NLGN1: variants seen among roughly 807,000 people sequenced by gnomAD.
NLGN1 encodes neuroligin 1.
NLGN1 carries 12 observed loss-of-function variants against 65.5 expected under a neutral mutation model. The ratio of observed to expected loss-of-function variants is 0.18; its 90% confidence interval spans 0.12 to 0.30. NLGN1 has a LOEUF of 0.30. Ranked by LOEUF, NLGN1 falls within the 10% of genes least tolerant of loss-of-function variation. NLGN1 has a pLI of 1.00. For synonymous variants in NLGN1, 350 were observed against 359.5 expected, an observed-to-expected ratio of 0.97 and a Z score of 0.30; for missense variants, 750 against 1,007.1, an observed-to-expected ratio of 0.74 and a Z score of 3.46.
At chr3:174,172,110 T>C (rs1728655658) in intron 4 of NLGN1, among the ~76,000 whole-genome samples, 2 of 152,078 alleles carry the variant, frequency 1.3e-5, no homozygotes, top group South Asian at 4.1e-4. Flanking sequence ...TTGATGTTTT[T>C]AAATTTTTTT....
intron 2 of NLGN1, among the ~76,000 whole-genome samples, chr3:173,439,464 G>A (rs1309292810): frequency 1.3e-5 from 2 of 151,020 alleles, no homozygotes; most frequent in Non-Finnish European, 2.9e-5. Flanking sequence ...GGAAAAATGT[G>A]CTCATCTCAC....
chr3:174,136,015 A>G (rs1449449594), intron 4 of NLGN1, among the ~76,000 whole-genome samples: 1 of 152,146 alleles, frequency 6.6e-6, no homozygotes, highest in Non-Finnish European at 1.5e-5. Flanking sequence ...CTGCCTGAAC[A>G]TGGCTTAATT....
chr3:173,606,318 T>C (rs1009263179), intron 3 of NLGN1, among the ~76,000 whole-genome samples: 1 of 152,072 alleles, frequency 6.6e-6, no homozygotes, highest in African/African-American at 2.4e-5. Context: ...TGAGCAAATG[T>C]AGACACTGAC....
intron 3 of NLGN1, among the ~76,000 whole-genome samples, chr3:173,727,163 C>T (rs1771946655): frequency 6.6e-6 from 1 of 152,034 alleles, no homozygotes; most frequent in Non-Finnish European, 1.5e-5. Flanking sequence ...GAGGAAAAAG[C>T]AACAGTGAAA....
chr3:173,698,456 G>A (rs1416426378), intron 3 of NLGN1, among the ~76,000 whole-genome samples: 3 of 152,048 alleles, frequency 2.0e-5, no homozygotes, highest in South Asian at 2.1e-4. Flanking sequence ...GCATTTATGC[G>A]CCTTCTACTA....
intron 3 of NLGN1, among the ~76,000 whole-genome samples, chr3:173,649,091 T>C (rs939986604): frequency 1.3e-5 from 2 of 152,194 alleles, no homozygotes; most frequent in Non-Finnish European, 2.9e-5. Context: ...AATTAACTAT[T>C]GAATATTAAA....
rs73880550 is a variant in NLGN1 at position 173,709,410 on chromosome 3, G to A, written c.494-98270G>A. The stretch of plus-strand genomic sequence containing the variant: ...GACAAAAAACAGTCAAAACGATCCT[G>A]TGTTCTAGAGGGAGATAGAACCAGA... On this transcript the variant is annotated intron_variant, in intron 3 of 6. Transcript: ENST00000457714. Among the ~76,000 whole-genome samples, 521 of 152,298 alleles carry A rather than the reference G, an allele frequency of 3.4e-3. 5 individuals carry two copies. The highest frequency in any genetic ancestry group is 0.012 in the African/African-American group (494 of 41,572).
At position 173,806,053 on chromosome 3, in the gene NLGN1, C is replaced by T. The variant is rs531709652; in HGVS notation, c.494-1627C>T. On this transcript the variant is annotated intron_variant, in intron 3 of 6. Coordinates refer to ENST00000457714, the Ensembl canonical transcript of NLGN1. ...GTATCCTTCCCTCACTACTTAAAAA[C>T]AAGATATTATTCTCAAATATACCTT... Among the ~76,000 whole-genome samples the T allele has an allele frequency of 2.6e-5, 4 of 152,196 alleles. No homozygotes were observed. The South Asian group carries it at 8.3e-4, about 32-fold the overall frequency.
At chr3:173,739,760 C>T (rs1313813713) in intron 3 of NLGN1, among the ~76,000 whole-genome samples, 1 of 152,092 alleles carries the variant, frequency 6.6e-6, no homozygotes, top group African/African-American at 2.4e-5. Flanking sequence ...CTTCCTAGTA[C>T]TCTAGAGTTT....
At chr3:174,105,342 A>G (rs1181262915) in intron 4 of NLGN1, among the ~76,000 whole-genome samples, 2 of 152,066 alleles carry the variant, frequency 1.3e-5, no homozygotes, top group African/African-American at 4.8e-5. Flanking sequence ...GGTCAAGACT[A>G]GCCTGGGCAA....
chr3:174,199,840 G>T (rs1018198114), intron 4 of NLGN1, among the ~76,000 whole-genome samples: 54 of 152,168 alleles, frequency 3.5e-4, no homozygotes, highest in African/African-American at 1.3e-3. Flanking sequence ...ACACCCAATG[G>T]ATGTGAAAGA....
At chr3:174,289,321 T>C (rs1377330380), downstream of NLGN1, among the ~76,000 whole-genome samples, 1 of 151,402 alleles carries the variant, frequency 6.6e-6, no homozygotes, top group Non-Finnish European at 1.5e-5. Flanking sequence ...TTATTAAGCA[T>C]CTATTATATA....
At chr3:174,191,095 TA>T (rs1335457654) in intron 4 of NLGN1, among the ~76,000 whole-genome samples, 1 of 152,016 alleles carries the variant, frequency 6.6e-6, no homozygotes, top group African/African-American at 2.4e-5. Flanking sequence ...TTCCATAGGA[TA>T]AAAATGACAA....
At chr3:173,653,078 T>C (rs942185998) in intron 3 of NLGN1, among the ~76,000 whole-genome samples, 1 of 152,228 alleles carries the variant, frequency 6.6e-6, no homozygotes, top group Non-Finnish European at 1.5e-5. Context: ...CTGATTTTTG[T>C]ATATCTATTT....
At chr3:173,547,870 C>T (rs1261471245) in intron 2 of NLGN1, among the ~76,000 whole-genome samples, 4 of 151,844 alleles carry the variant, frequency 2.6e-5, no homozygotes, top group East Asian at 1.9e-4. Context: ...GGGGTAGGAA[C>T]GGAAGTCTTG....
At chr3:173,405,984 T>C (rs1026994932) in intron 1 of NLGN1, among the ~76,000 whole-genome samples, 3 of 152,086 alleles carry the variant, frequency 2.0e-5, no homozygotes, top group African/African-American at 2.4e-5. Context: ...AGTGGAGGGA[T>C]GTACTGTAAG....
chr3:173,822,994 A>G (rs901118966), intron 4 of NLGN1, among the ~76,000 whole-genome samples: 5 of 152,068 alleles, frequency 3.3e-5, no homozygotes, highest in Non-Finnish European at 1.5e-5. Flanking sequence ...ATTTAATACC[A>G]TGTCAGTTAA....
At chr3:174,107,009 C>CAGAGAGAG (rs1394529884) in intron 4 of NLGN1, among the ~76,000 whole-genome samples, 5 of 118,834 alleles carry the variant, frequency 4.2e-5, no homozygotes, top group Non-Finnish European at 8.4e-5. Flanking sequence ...CACACACACA[C>CAGAGAGAG]ACACACACAG....
chr3:174,212,054 A>G (rs1399798253), intron 4 of NLGN1, among the ~76,000 whole-genome samples: 1 of 152,144 alleles, frequency 6.6e-6, no homozygotes, highest in Non-Finnish European at 1.5e-5. Context: ...CGGGCTGCAC[A>G]GGAACCCACG....
Sources: allele counts gnomAD v4.1 joint callset (sites outside exome capture counted in the v4.1 genomes callset), GRCh38; gene constraint gnomAD v4.1.1; transcripts MANE v1.5; gene names NCBI Gene and HGNC (gene_info 2026-07-23, HGNC 2026-07-21).